The following PLSCR4 variants were observed in gnomAD, a reference collection of about 807,000 sequenced individuals.
PLSCR4 encodes the protein Ca(2+)-dependent phospholipid scramblase 4.
A neutral mutation model predicts 36.3 loss-of-function variants in PLSCR4; 25 were observed. That is an observed-to-expected ratio of 0.69 (90% CI 0.50 to 0.96). The LOEUF is 0.96. Ranked by LOEUF, PLSCR4 falls within the 40% of genes least tolerant of loss-of-function variation. The pLI is 0.00. For synonymous variants in PLSCR4, 122 were observed against 132.9 expected (o/e 0.92, Z 0.56); for missense variants, 408 against 414.7 (o/e 0.98, Z 0.14).
At chr3:146,214,833 T>G (rs1287764785) in intron 3 of PLSCR4, among the ~76,000 whole-genome samples, 1 of 152,146 alleles carries the variant, frequency 6.6e-6, no homozygotes, top group Non-Finnish European at 1.5e-5. Context: ...TTTTTGATCT[T>G]CTGCTTAGTT....
chr3:146,210,618 CCT>C (rs200079002), intron 3 of PLSCR4, among the ~76,000 whole-genome samples: 1,913 of 137,238 alleles, frequency 0.014, 32 homozygotes, highest in African/African-American at 0.046. Flanking sequence ...TTTCATTGAT[CCT>C]TTTTTAAAAT....
At chr3:146,239,517 T>TCC (rs1345869121) in intron 1 of PLSCR4, among the ~76,000 whole-genome samples, 3 of 28,032 alleles carry the variant, frequency 1.1e-4, no homozygotes, top group Non-Finnish European at 2.5e-4. Flanking sequence ...TACATCCACA[T>TCC]ACAAAAAAAA....
intron 1 of PLSCR4, among the ~76,000 whole-genome samples, chr3:146,233,767 G>C (rs2035809950): frequency 6.6e-6 from 1 of 152,098 alleles, no homozygotes; most frequent in African/African-American, 2.4e-5. Flanking sequence ...CAAAAAACCA[G>C]CATCAGAGGC....
chr3:146,215,570 G>A lies in PLSCR4; in HGVS notation c.118+5245C>T, dbSNP rs73150835. ...AAAAAATAATTTTTACCTAAATATA[G>A]GTTAAACTGTAGTTTCTTTCTGAAA... On this transcript the variant is annotated intron_variant, in intron 3 of 8. Coordinates refer to ENST00000354952, the MANE Select transcript of PLSCR4 (RefSeq NM_020353.3). Among the ~76,000 whole-genome samples, 689 of 152,208 alleles carry A rather than the reference G, an allele frequency of 4.5e-3. 1 individual carries two copies. Among genetic ancestry groups the A allele is most frequent in the Non-Finnish European group, 8.2e-3 (560 of 68,016 alleles).
intron 3 of PLSCR4, among the ~76,000 whole-genome samples, chr3:146,217,854 A>G (rs2034963983): frequency 6.6e-6 from 1 of 152,218 alleles, no homozygotes; most frequent in African/African-American, 2.4e-5. Flanking sequence ...AGACTATCAG[A>G]CTGACATGAT....
chr3:146,248,487 C>A (rs532720744), intron 1 of PLSCR4, among the ~76,000 whole-genome samples: 2 of 149,290 alleles, frequency 1.3e-5, no homozygotes, highest in Non-Finnish European at 3.0e-5. Flanking sequence ...TACACACACA[C>A]AGACACACAC....
At chr3:146,234,434 A>C (rs1383961210) in intron 1 of PLSCR4, among the ~76,000 whole-genome samples, 1 of 152,148 alleles carries the variant, frequency 6.6e-6, no homozygotes, top group African/African-American at 2.4e-5. Flanking sequence ...CTGTGGAGAA[A>C]GCAGTAATTT....
intron 4 of PLSCR4, among the ~76,000 whole-genome samples, chr3:146,204,417 C>T (rs1179180025): frequency 6.6e-6 from 1 of 151,898 alleles, no homozygotes; most frequent in Non-Finnish European, 1.5e-5. Flanking sequence ...TGACCCTTAT[C>T]TCATTAAAAA....
At chr3:146,224,596 A>T (rs539514970) in intron 1 of PLSCR4, among the ~76,000 whole-genome samples, 9 of 152,068 alleles carry the variant, frequency 5.9e-5, no homozygotes, top group African/African-American at 2.2e-4. Flanking sequence ...AGCTCATAAA[A>T]GCAGTGTGGA....
At chr3:146,195,626 C>T (rs2033696159) in intron 7 of PLSCR4, among the ~76,000 whole-genome samples, 1 of 152,062 alleles carries the variant, frequency 6.6e-6, no homozygotes, top group Non-Finnish European at 1.5e-5. Flanking sequence ...CTAGGGAAAC[C>T]TATGAGCAAA....
chr3:146,236,972 G>A (rs1174909727), intron 1 of PLSCR4, among the ~76,000 whole-genome samples: 1 of 151,908 alleles, frequency 6.6e-6, no homozygotes, highest in Non-Finnish European at 1.5e-5. Context: ...TACCTTACCA[G>A]TAATTACCTT....
chr3:146,230,354 T>C (rs1359390175), intron 1 of PLSCR4, among the ~76,000 whole-genome samples: 1 of 152,170 alleles, frequency 6.6e-6, no homozygotes, highest in Non-Finnish European at 1.5e-5. Context: ...AAAATAACTA[T>C]TCTTAAAATT....
At chr3:146,245,806 C>G (rs1358769747) in intron 1 of PLSCR4, among the ~76,000 whole-genome samples, 1 of 152,002 alleles carries the variant, frequency 6.6e-6, no homozygotes, top group Non-Finnish European at 1.5e-5. Context: ...ACAATGTACT[C>G]TCTTGTAGTG....
At chr3:146,213,397 T>C (rs942401203) in intron 3 of PLSCR4, among the ~76,000 whole-genome samples, 1 of 144,918 alleles carries the variant, frequency 6.9e-6, no homozygotes, top group African/African-American at 2.5e-5. Context: ...AGTGGTGTGA[T>C]CTTTGCTTAC....
chr3:146,243,708 C>T (rs79250903), intron 1 of PLSCR4, among the ~76,000 whole-genome samples: 2,560 of 152,232 alleles, frequency 0.017, 77 homozygotes, highest in African/African-American at 0.058. Context: ...TTGTGTCAGT[C>T]TGTAAAATCA....
intron 1 of PLSCR4, among the ~76,000 whole-genome samples, chr3:146,228,818 TGTAA>T (rs1294222063): frequency 3.3e-5 from 5 of 152,158 alleles, no homozygotes; most frequent in African/African-American, 9.6e-5. Context: ...CTAATATATG[TGTAA>T]GTGATTAGAA....
At chr3:146,244,438 T>C (rs1326447095) in intron 1 of PLSCR4, among the ~76,000 whole-genome samples, 1 of 152,018 alleles carries the variant, frequency 6.6e-6, no homozygotes, top group Non-Finnish European at 1.5e-5. Context: ...TATCAAGGAG[T>C]CTATCAGTGC....
At chr3:146,236,460 T>C (rs1337273948) in intron 1 of PLSCR4, among the ~76,000 whole-genome samples, 2 of 152,146 alleles carry the variant, frequency 1.3e-5, no homozygotes, top group Non-Finnish European at 2.9e-5. Flanking sequence ...CCACCGAAAT[T>C]TCATATTGAA....
intron 1 of PLSCR4, among the ~76,000 whole-genome samples, chr3:146,229,030 G>A (rs538158844): frequency 6.6e-6 from 1 of 152,138 alleles, no homozygotes; most frequent in African/African-American, 2.4e-5. Context: ...AATGTCTGAT[G>A]TATTAACTAT....
Sources: gnomAD v4.1 joint callset for allele counts (sites outside exome capture counted in the v4.1 genomes callset) on GRCh38, gnomAD v4.1.1 for gene constraint, MANE v1.5 for transcripts, NCBI Gene and HGNC (gene_info 2026-07-23, HGNC 2026-07-21) for gene names.